The following ANO4 variants were observed in gnomAD, a reference collection of about 807,000 sequenced individuals.
ANO4 encodes anoctamin 4, also known as anoctamin-4.
ANO4 carries 69 observed loss-of-function variants against 141.9 expected under a neutral mutation model. The observed-to-expected ratio is 0.49, with a 90% CI of 0.40 to 0.59. The LOEUF is 0.59. Among genes scored for constraint, ANO4 ranks in the 20% least tolerant of loss-of-function variants. ANO4 has a pLI of 0.00. For missense variants in ANO4, 894 were observed against 1,162.2 expected, an observed-to-expected ratio of 0.77 and a Z score of 3.36; for synonymous variants, 350 against 394.3, an observed-to-expected ratio of 0.89 and a Z score of 1.33.
chr12:100,721,403 A>G (rs1218952491), intron 1 of ANO4, among the ~76,000 whole-genome samples: 2 of 152,168 alleles, frequency 1.3e-5, no homozygotes, highest in African/African-American at 4.8e-5. Context: ...GATGGGCCAA[A>G]ACAGTTTCCT....
intron 2 of ANO4, among the ~76,000 whole-genome samples, chr12:100,908,205 C>T (rs930438839): frequency 5.3e-5 from 8 of 152,084 alleles, no homozygotes; most frequent in Admixed American, 2.0e-4. Flanking sequence ...CAAAATTAGC[C>T]GGACGTGGTG....
chr12:101,081,933 C>T (rs1005765224), intron 15 of ANO4, among the ~76,000 whole-genome samples: 1 of 152,120 alleles, frequency 6.6e-6, no homozygotes, highest in African/African-American at 2.4e-5. Flanking sequence ...CTCATTTGAA[C>T]TTAATTACCA....
intron 2 of ANO4, among the ~76,000 whole-genome samples, chr12:100,909,519 G>A (rs977435296): frequency 7.9e-5 from 12 of 152,174 alleles, no homozygotes; most frequent in African/African-American, 2.7e-4. Flanking sequence ...ATGTGCTTAA[G>A]CTGCTGTGAT....
chr12:100,890,824 G>A (rs1002970568), intron 1 of ANO4, among the ~76,000 whole-genome samples: 31 of 152,078 alleles, frequency 2.0e-4, no homozygotes, highest in African/African-American at 5.6e-4. Context: ...GTGTATTAGC[G>A]TTCACTGTTG....
chr12:101,082,304 G>A (rs1429154548), intron 15 of ANO4, among the ~76,000 whole-genome samples: 3 of 152,160 alleles, frequency 2.0e-5, no homozygotes, highest in Admixed American at 6.5e-5. Flanking sequence ...CTTCCACCAT[G>A]ACTGTGAGGC....
chr12:100,967,142 A>G (rs559224365), intron 5 of ANO4, among the ~76,000 whole-genome samples: 2 of 151,934 alleles, frequency 1.3e-5, no homozygotes, highest in Non-Finnish European at 2.9e-5. Flanking sequence ...ATACTCGTTA[A>G]TTTTCTCAGT....
At chr12:100,806,523 CGTTT>C (rs2035041317) in intron 1 of ANO4, among the ~76,000 whole-genome samples, 1 of 44,956 alleles carries the variant, frequency 2.2e-5, no homozygotes, top group African/African-American at 7.3e-5. Flanking sequence ...TTTTTTGTTT[CGTTT>C]TTTTTTTTTT....
chr12:100,982,776 A>T (rs944901125), intron 7 of ANO4, among the ~76,000 whole-genome samples: 2 of 152,238 alleles, frequency 1.3e-5, no homozygotes, highest in African/African-American at 2.4e-5. Flanking sequence ...ATCATTGTAT[A>T]CTAAAGGTTA....
At chr12:100,888,656 A>T (rs529711676) in intron 1 of ANO4, among the ~76,000 whole-genome samples, 2 of 152,342 alleles carry the variant, frequency 1.3e-5, no homozygotes, top group African/African-American at 4.8e-5. Flanking sequence ...AGCCCAGGTG[A>T]TGAAGGAGTC....
intron 8 of ANO4, among the ~76,000 whole-genome samples, chr12:101,015,063 T>C (rs1457172406): frequency 1.3e-5 from 2 of 151,766 alleles, no homozygotes; most frequent in Non-Finnish European, 2.9e-5. Flanking sequence ...CTTCAAGCGG[T>C]CCTCCTGCAT....
chr12:100,782,626 T>C (rs541309186), intron 3 of ANO4, among the ~76,000 whole-genome samples: 5 of 152,336 alleles, frequency 3.3e-5, no homozygotes, highest in South Asian at 4.1e-4. Context: ...TTGTGTGACC[T>C]TGGGCAATGC....
intron 3 of ANO4, among the ~76,000 whole-genome samples, chr12:100,766,573 T>A (rs775941369): frequency 1.3e-5 from 2 of 152,186 alleles, no homozygotes; most frequent in Non-Finnish European, 2.9e-5. Context: ...GTTATTGATT[T>A]CTATTTTTAT....
At chr12:100,752,889 T>C (rs2032446573) in intron 3 of ANO4, among the ~76,000 whole-genome samples, 1 of 152,142 alleles carries the variant, frequency 6.6e-6, no homozygotes, top group African/African-American at 2.4e-5. Context: ...GATTAAGCAT[T>C]TACTCGTTTA....
intron 3 of ANO4, among the ~76,000 whole-genome samples, chr12:100,775,858 C>G (rs2033483472): frequency 6.6e-6 from 1 of 151,572 alleles, no homozygotes; most frequent in African/African-American, 2.4e-5. Flanking sequence ...AAAAAAAAAC[C>G]TAGTGGCTTT....
At chr12:100,918,856 G>T (rs1235838523) in intron 2 of ANO4, among the ~76,000 whole-genome samples, 2 of 152,086 alleles carry the variant, frequency 1.3e-5, no homozygotes, top group African/African-American at 4.8e-5. Flanking sequence ...CTTTTAGGAG[G>T]TATTCCAGAA....
At position 100,763,947 on chromosome 12, in the gene ANO4, A is replaced by G. The variant is rs1176534659; in HGVS notation, c.358+23842A>G. Among the ~76,000 whole-genome samples, 4 of 151,972 alleles carry G rather than the reference A, an allele frequency of 2.6e-5. No homozygotes were observed. In the East Asian group the frequency reaches 7.7e-4, roughly 29 times the overall value. ...ATTTTTAAATCAAAGACCAACTGTTATGTATCTCAAGTTCCTTTAGGATTT... is the reference window on the plus strand; with the variant it reads ...ATTTTTAAATCAAAGACCAACTGTTGTGTATCTCAAGTTCCTTTAGGATTT... On this transcript the variant is annotated intron_variant, in intron 3 of 29. Transcript: ENST00000644049.
intron 1 of ANO4, among the ~76,000 whole-genome samples, chr12:100,876,759 C>T (rs2039329451): frequency 6.6e-6 from 1 of 152,150 alleles, no homozygotes; most frequent in Non-Finnish European, 1.5e-5. Context: ...AATCAGTTGA[C>T]CATAAATGCA....
intron 22 of ANO4, among the ~76,000 whole-genome samples, chr12:101,104,772 A>G (rs1261610237): frequency 4.0e-5 from 6 of 150,648 alleles, no homozygotes; most frequent in Non-Finnish European, 8.9e-5. Context: ...CTACATTTTT[A>G]TGTCAATTAG....
At chr12:100,754,258 C>G (rs888757895) in intron 3 of ANO4, among the ~76,000 whole-genome samples, 1 of 152,226 alleles carries the variant, frequency 6.6e-6, no homozygotes. Context: ...AATTGCTCAT[C>G]AATTCTTGCT....
Sources: gnomAD v4.1 joint callset for allele counts (sites outside exome capture counted in the v4.1 genomes callset) on GRCh38, gnomAD v4.1.1 for gene constraint, MANE v1.5 for transcripts, NCBI Gene and HGNC (gene_info 2026-07-23, HGNC 2026-07-21) for gene names.